The following NAALADL2 variants were observed in gnomAD, a reference collection of about 807,000 sequenced individuals.
The protein encoded by NAALADL2 is N-acetylated alpha-linked acidic dipeptidase like 2.
Under a neutral mutation model 87.2 loss-of-function variants are expected in NAALADL2, and 76 were observed. That is an observed-to-expected ratio of 0.87 (90% CI 0.72 to 1.05). NAALADL2 has a LOEUF of 1.05. NAALADL2 is among the 50% of genes least tolerant of loss of function. NAALADL2 has a pLI of 0.00. For synonymous variants in NAALADL2, 354 were observed against 331.0 expected (o/e 1.07, Z -0.75); for missense variants, 1,089 against 945.8 (o/e 1.15, Z -1.99).
chr3:175,664,038 A>G (rs1293759744), intron 11 of NAALADL2, among the ~76,000 whole-genome samples: 1 of 152,076 alleles, frequency 6.6e-6, no homozygotes, highest in Non-Finnish European at 1.5e-5. Flanking sequence ...TATATATTTC[A>G]CTGGGCAATA....
intron 2 of NAALADL2, among the ~76,000 whole-genome samples, chr3:174,595,251 G>A (rs930124343): frequency 1.3e-5 from 2 of 151,802 alleles, no homozygotes; most frequent in Admixed American, 6.6e-5. Context: ...CCCTCTGCCC[G>A]CTTCTTGTCT....
In NAALADL2 at chr3:174,759,684, T is replaced by C. The variant is rs955935822; in HGVS notation, c.-9+21938T>C. 3.3e-5 allele frequency among the ~76,000 whole-genome samples: 5 copies of C among 152,106 alleles called. No individual in the cohort carries two copies. The East Asian group carries it at 9.7e-4, about 29-fold the overall frequency. On this transcript the variant is annotated intron_variant, in intron 3 of 3. Coordinates refer to the NAALADL2 transcript ENST00000434257. ...CTAACATGTTTCTTCTCTGATACTA[T>C]CAAATACAATACAAATCACTTTTTT...
At chr3:175,344,334 G>A (rs953098979) in intron 5 of NAALADL2, among the ~76,000 whole-genome samples, 1 of 151,732 alleles carries the variant, frequency 6.6e-6, no homozygotes, top group Non-Finnish European at 1.5e-5. Flanking sequence ...TCATGCTCTG[G>A]TTTTCTACTT....
At chr3:175,221,297 C>G (rs1743334295) in intron 2 of NAALADL2, among the ~76,000 whole-genome samples, 1 of 149,958 alleles carries the variant, frequency 6.7e-6, no homozygotes, top group Non-Finnish European at 1.5e-5. Context: ...CTAAGATTTT[C>G]TACTCCTTTG....
chr3:174,746,694 A>G (rs927084633), intron 3 of NAALADL2, among the ~76,000 whole-genome samples: 3 of 152,222 alleles, frequency 2.0e-5, no homozygotes, highest in Non-Finnish European at 2.9e-5. Flanking sequence ...CTACAAGGCT[A>G]CAATAACCAA....
At chr3:175,545,097 T>C (rs904001161) in intron 9 of NAALADL2, among the ~76,000 whole-genome samples, 7 of 152,108 alleles carry the variant, frequency 4.6e-5, no homozygotes, top group Non-Finnish European at 1.0e-4. Flanking sequence ...TCCAAAAACA[T>C]TATTAGAGAG....
intron 1 of NAALADL2, among the ~76,000 whole-genome samples, chr3:175,045,630 C>T (rs564206422): frequency 4.6e-4 from 70 of 152,206 alleles, no homozygotes; most frequent in African/African-American, 6.5e-4. Context: ...CACAGTATAG[C>T]GGCCAGTATG....
intron 3 of NAALADL2, among the ~76,000 whole-genome samples, chr3:174,771,217 G>A (rs998048316): frequency 5.3e-5 from 8 of 152,074 alleles, no homozygotes; most frequent in African/African-American, 1.9e-4. Context: ...GATCTCTAAT[G>A]GAAGAGATAT....
chr3:174,977,704 T>C (rs922191059), intron 1 of NAALADL2, among the ~76,000 whole-genome samples: 3 of 152,110 alleles, frequency 2.0e-5, no homozygotes, highest in Non-Finnish European at 2.9e-5. Context: ...AGGAAGGTAG[T>C]TGAAAAATAG....
intron 3 of NAALADL2, among the ~76,000 whole-genome samples, chr3:174,810,441 T>A (rs1350881494): frequency 6.6e-6 from 1 of 152,072 alleles, no homozygotes; most frequent in Non-Finnish European, 1.5e-5. Context: ...TGTTACACAT[T>A]GACAAAGAGC....
At chr3:175,045,881 CTT>C (rs1560510710) in intron 1 of NAALADL2, among the ~76,000 whole-genome samples, 16 of 152,078 alleles carry the variant, frequency 1.1e-4, no homozygotes. Context: ...TTTTCCAAGA[CTT>C]TTTACTATTC....
At position 175,182,550 on chromosome 3, in the gene NAALADL2, G is replaced by GTTTTTTTTTTTTTTT. The variant is rs1161831796; in HGVS notation, c.546-51367_546-51353dup. Among the ~76,000 whole-genome samples the GTTTTTTTTTTTTTTT allele has an allele frequency of 3.5e-4, 24 of 69,474 alleles. 1 individual carries two copies. The highest frequency in any genetic ancestry group is 1.2e-3 in the African/African-American group (20 of 16,732). The allele number at this position is 69,474 out of a possible 152,430, so 45.6% of individuals were successfully genotyped here. The stretch of plus-strand genomic sequence containing the variant: ...CTATAAGTCCATGACACCACAGCCA[G>GTTTTTTTTTTTTTTT]TTTTTTTTTTTTTTTTTTTTTTTTT... On this transcript the variant is annotated intron_variant, in intron 2 of 13. Coordinates refer to ENST00000454872, the MANE Select transcript of NAALADL2 (RefSeq NM_207015.3).
chr3:175,245,095 T>C (rs1040734349), intron 3 of NAALADL2, among the ~76,000 whole-genome samples: 1 of 152,286 alleles, frequency 6.6e-6, no homozygotes, highest in African/African-American at 2.4e-5. Flanking sequence ...TTTTTTCTCC[T>C]ACTTCTCTAC....
At chr3:174,921,839 GA>G (rs10712948) in intron 1 of NAALADL2, among the ~76,000 whole-genome samples, 44,242 of 131,956 alleles carry the variant, frequency 0.34, 8,057 homozygotes, top group African/African-American at 0.49. Flanking sequence ...AAAAAGAAAA[GA>G]AAAAAATCTT....
intron 13 of NAALADL2, among the ~76,000 whole-genome samples, chr3:175,761,236 G>A (rs1366980653): frequency 1.3e-5 from 2 of 151,988 alleles, no homozygotes; most frequent in African/African-American, 4.8e-5. Context: ...CTAAACCTCT[G>A]GCAACCACTG....
intron 3 of NAALADL2, among the ~76,000 whole-genome samples, chr3:174,755,016 C>G (rs189010956): frequency 1.3e-5 from 2 of 152,278 alleles, no homozygotes. Flanking sequence ...CCACCCAAAT[C>G]TCGTCTTGAA....
intron 2 of NAALADL2, among the ~76,000 whole-genome samples, chr3:174,720,095 C>G (rs1414179416): frequency 1.3e-5 from 2 of 152,100 alleles, no homozygotes; most frequent in East Asian, 3.9e-4. Context: ...CCACCGCTCC[C>G]TGTCTAGGCA....
chr3:174,882,943 T>C (rs1729611034), intron 1 of NAALADL2, among the ~76,000 whole-genome samples: 2 of 151,382 alleles, frequency 1.3e-5, no homozygotes, highest in South Asian at 4.2e-4. Flanking sequence ...ATATGGCAGA[T>C]TATTAAGCAT....
intron 8 of NAALADL2, among the ~76,000 whole-genome samples, chr3:175,468,145 A>G (rs1207282026): frequency 2.0e-5 from 3 of 150,372 alleles, no homozygotes; most frequent in Non-Finnish European, 4.4e-5. Context: ...TTAAAAAGGT[A>G]TAGAAAAGAA....
Sources: gnomAD v4.1 joint callset for allele counts (sites outside exome capture counted in the v4.1 genomes callset) on GRCh38, gnomAD v4.1.1 for gene constraint, MANE v1.5 for transcripts, NCBI Gene and HGNC (gene_info 2026-07-23, HGNC 2026-07-21) for gene names.